The following COPS8 variants were observed in gnomAD, a reference collection of about 807,000 sequenced individuals.
COPS8 encodes COP9 signalosome complex subunit 8.
A neutral mutation model predicts 31.5 loss-of-function variants in COPS8; 11 were observed. That is an observed-to-expected ratio of 0.35 (90% CI 0.22 to 0.58). The LOEUF is 0.58. COPS8 is among the 20% of genes least tolerant of loss of function. The probability of loss-of-function intolerance (pLI) is 0.83; values close to 1 mark genes in which losing one functional copy is unlikely to be tolerated. For missense variants in COPS8, 215 were observed against 255.1 expected, an observed-to-expected ratio of 0.84 and a Z score of 1.07; for synonymous variants, 81 against 89.3, an observed-to-expected ratio of 0.91 and a Z score of 0.52.
rs915588600 is a variant in COPS8, at chr2:237,099,053, T to C, written c.*1311T>C. Reference sequence around the variant, plus strand: ...TTAACTTCCAGGTATTAAGTACAAATTGTATCCATGGTTATTTTTTAAAAG... The same window carrying C: ...TTAACTTCCAGGTATTAAGTACAAACTGTATCCATGGTTATTTTTTAAAAG... On this transcript the variant is annotated 3_prime_UTR_variant, in exon 8 of 8. Coordinates refer to ENST00000354371, the MANE Select transcript of COPS8 (RefSeq NM_006710.5). 1 of 152,122 alleles carries C rather than the reference T, an allele frequency of 6.6e-6. No homozygotes were observed. The highest frequency in any genetic ancestry group is 1.5e-5 in the Non-Finnish European group (1 of 68,010). 9.4% of individuals were successfully genotyped at this position (152,122 alleles called of 1,614,324 possible). A position where few individuals can be genotyped will look rare whatever the true frequency, so the allele number is the denominator to read the frequency against.
intron 4 of COPS8, among the ~76,000 whole-genome samples, chr2:237,093,432 A>C (rs1311111407): frequency 1.3e-5 from 2 of 152,220 alleles, no homozygotes; most frequent in Non-Finnish European, 2.9e-5. Context: ...CTGGTTTCAC[A>C]GTGCTCAACT....
In COPS8 at chr2:237,099,289, T is replaced by C. The variant is rs1296773223; in HGVS notation, c.*1547T>C. ...AATTATATATATGTACATATTTCCT[T>C]ATATTTCAAAACTAAGCAATTGGGG... On this transcript the variant is annotated 3_prime_UTR_variant, in exon 8 of 8. Transcript: ENST00000354371. The C allele has an allele frequency of 3.9e-5, 6 of 152,136 alleles. No individual in the cohort carries two copies. Among genetic ancestry groups the C allele is most frequent in the Non-Finnish European group, 8.8e-5 (6 of 68,006 alleles). The allele number at this position is 152,136 out of a possible 1,614,324, so 9.4% of individuals were successfully genotyped here.
At chr2:237,096,579 A>G (rs1696805005) in intron 6 of COPS8, 6 of 557,112 alleles carry the variant, frequency 1.1e-5, no homozygotes, top group Admixed American at 3.3e-5. Flanking sequence ...CTGAACATAC[A>G]GTAAAGGATT....
intron 5 of COPS8, among the ~76,000 whole-genome samples, chr2:237,095,111 G>A (rs1223779837): frequency 6.6e-6 from 1 of 152,076 alleles, no homozygotes; most frequent in Non-Finnish European, 1.5e-5. Flanking sequence ...CATGAAGATA[G>A]GTTAATGAAA....
Position 237,096,687 on chromosome 2 carries a change from T to C in COPS8, c.503-135T>C, listed in dbSNP as rs1456966486. The C allele has an allele frequency of 4.2e-6, 3 of 706,244 alleles. No individual in the cohort carries two copies. The African/African-American group carries it at 5.5e-5, about 13-fold the overall frequency. The allele number at this position is 706,244 out of a possible 1,614,324, so 43.7% of individuals were successfully genotyped here. A position where few individuals can be genotyped will look rare whatever the true frequency, so the allele number is the denominator to read the frequency against. ...AGAGTAATATAATAAAGAATTATAA[T>C]GGAGCACAGTTGTTATCCCTGTTTG... On this transcript the variant is annotated intron_variant, in intron 6 of 7. Transcript: ENST00000354371.
intron 3 of COPS8, 63 bp from the exon 4 acceptor site, chr2:237,089,799 A>G (rs1436146262): frequency 1.3e-6 from 2 of 1,494,390 alleles, no homozygotes. Context: ...ATTTTGTTTT[A>G]AGATACAATC....
In COPS8 at chr2:237,085,919, G is replaced by A. The variant is rs1454616284; in HGVS notation, c.-46G>A. 4 of 1,576,740 alleles carry A rather than the reference G, an allele frequency of 2.5e-6. No homozygotes were observed. In the South Asian group the frequency reaches 3.4e-5, roughly 13 times the overall value. ...GGGCGCGACGCCTGAGGGACAGTCT[G>A]GGGTTTGGCTGTCCGGACGGTGCAG... is the stretch of plus-strand genomic sequence containing the variant. On this transcript the variant is annotated 5_prime_UTR_variant, in exon 1 of 8. Coordinates refer to ENST00000354371, the MANE Select transcript of COPS8 (RefSeq NM_006710.5).
At position 237,098,774 on chromosome 2, in the gene COPS8, T is replaced by C. The variant is rs1416324442; in HGVS notation, c.*1032T>C. 6.6e-6 allele frequency: 1 copy of C among 152,264 alleles called. No homozygotes were observed. The highest frequency in any genetic ancestry group is 1.5e-5 in the Non-Finnish European group (1 of 68,044). 9.4% of individuals were successfully genotyped at this position (152,264 alleles called of 1,614,324 possible). A position where few individuals can be genotyped will look rare whatever the true frequency, so the allele number is the denominator to read the frequency against. ...AATCTATTTTGTCATTGTGTCTATA[T>C]GAATCTCTTAAGTAGAAATGAGTTG... is the stretch of plus-strand genomic sequence containing the variant. On this transcript the variant is annotated 3_prime_UTR_variant, in exon 8 of 8. Transcript: ENST00000354371.
chr2:237,089,133 T>G (rs1696665789), intron 3 of COPS8, among the ~76,000 whole-genome samples: 2 of 152,172 alleles, frequency 1.3e-5, no homozygotes, highest in Admixed American at 1.3e-4. Flanking sequence ...GAAAAGGTTC[T>G]TCCAAAGTGG....
chr2:237,094,118 G>A lies in COPS8; in HGVS notation c.360G>A (p.Leu120=). The part of the protein sequence containing the change: ...RDATRRRAFA[L]VSQAYTSIIA... ...CAACAAGGAGACGCGCCTTTGCCCT[G>A]GTCTCTCAAGCGTATACTTCAATCA... The change falls in exon 5 of 8, where the codon CTG becomes CTA. Residue 120 remains leucine (L), a synonymous_variant. Coordinates refer to ENST00000354371, the MANE Select transcript of COPS8 (RefSeq NM_006710.5). 6.2e-7 allele frequency: 1 copy of A among 1,613,782 alleles called. No individual in the cohort carries two copies. The highest frequency in any genetic ancestry group is 8.5e-7 in the Non-Finnish European group (1 of 1,179,850).
chr2:237,090,822 G>T (rs1443676897), intron 4 of COPS8, among the ~76,000 whole-genome samples: 1 of 152,234 alleles, frequency 6.6e-6, no homozygotes, highest in Non-Finnish European at 1.5e-5. Flanking sequence ...GTAAGTGACA[G>T]AACAGGAGGC....
In COPS8 at chr2:237,097,665, C is replaced by T; in HGVS notation, c.553C>T (p.Pro185Ser). 2 of 1,612,024 alleles carry T rather than the reference C, an allele frequency of 1.2e-6. No homozygotes were observed. Among genetic ancestry groups the T allele is most frequent in the Non-Finnish European group, 8.5e-7 (1 of 1,178,396 alleles). Residue 185 changes from proline to serine, a missense_variant and splice_region_variant, in exon 8 of 8, where the codon CCT becomes TCT. Coordinates refer to ENST00000354371, the MANE Select transcript of COPS8 (RefSeq NM_006710.5). ...SFNKFIPLSE[P>S]APVPPIPNEQ... ...GTGTTTGTTTCTTTAACATACAGAG[C>T]CTGCTCCAGTTCCCCCAATACCCAA...
Position 237,085,916 on chromosome 2 carries a change from T to C in COPS8, c.-49T>C, listed in dbSNP as rs545074927. The C allele has an allele frequency of 3.2e-6, 5 of 1,571,280 alleles. No individual in the cohort carries two copies. Among genetic ancestry groups the C allele is most frequent in the Non-Finnish European group, 4.4e-6 (5 of 1,148,542 alleles). ...CGCGGGCGCGACGCCTGAGGGACAGTCTGGGGTTTGGCTGTCCGGACGGTG... is the reference window on the plus strand; with the variant it reads ...CGCGGGCGCGACGCCTGAGGGACAGCCTGGGGTTTGGCTGTCCGGACGGTG... On this transcript the variant is annotated 5_prime_UTR_variant, in exon 1 of 8. Transcript: ENST00000354371.
chr2:237,095,981 G>A (rs546521698), intron 6 of COPS8, 97 bp downstream of exon 6: 41 of 826,742 alleles, frequency 5.0e-5, no homozygotes, highest in Admixed American at 1.1e-4. Flanking sequence ...TGTAAAATTC[G>A]GCTATACTAA....
At position 237,098,578 on chromosome 2, in the gene COPS8, T is replaced by A. The variant is rs1407174721; in HGVS notation, c.*836T>A. Reference sequence around the variant, plus strand: ...GAGAAATACTGAGCAAGTCTTTCATTCTCTGTGTGACAGCCCTCTGAATAT... The same window carrying A: ...GAGAAATACTGAGCAAGTCTTTCATACTCTGTGTGACAGCCCTCTGAATAT... On this transcript the variant is annotated 3_prime_UTR_variant, in exon 8 of 8. Transcript: ENST00000354371. 6.6e-6 allele frequency: 1 copy of A among 152,248 alleles called. No individual in the cohort carries two copies. 9.4% of individuals were successfully genotyped at this position (152,248 alleles called of 1,614,324 possible). A position where few individuals can be genotyped will look rare whatever the true frequency, so the allele number is the denominator to read the frequency against.
chr2:237,096,928 AGTATATAT>A, intron 7 of COPS8, 59 bp downstream of exon 7: 1 of 1,188,212 alleles, frequency 8.4e-7, no homozygotes, highest in Non-Finnish European at 1.2e-6. Flanking sequence ...TCTTTTTTGT[AGTATATAT>A]GTATATGTGT....
In COPS8 at chr2:237,097,224, CTTTTTTT is replaced by C. The variant is rs996251270; in HGVS notation, c.550+369_550+375del. Among the ~76,000 whole-genome samples, 890 of 95,994 alleles carry C rather than the reference CTTTTTTT, an allele frequency of 9.3e-3. 21 individuals are homozygous for C. The highest frequency in any genetic ancestry group is 0.032 in the African/African-American group (844 of 26,258). 63.0% of individuals were successfully genotyped at this position (95,994 alleles called of 152,430 possible). A position where few individuals can be genotyped will look rare whatever the true frequency, so the allele number is the denominator to read the frequency against. ...TTCCTTGAGGTTCTTTGTGGGTTTT[CTTTTTTT>C]TTTTTTTTTTTTTGGTTTGTTGACA... is the stretch of plus-strand genomic sequence containing the variant. On this transcript the variant is annotated intron_variant, in intron 7 of 7. Transcript: ENST00000354371.
intron 6 of COPS8, 128 bp from the exon 7 acceptor site, chr2:237,096,694 C>T: frequency 2.8e-6 from 2 of 723,228 alleles, no homozygotes; most frequent in South Asian, 1.5e-5. Context: ...TAATGGAGCA[C>T]AGTTGTTATC....
Position 237,085,927 on chromosome 2 carries a change from G to C in COPS8, c.-38G>C. Reference sequence around the variant, plus strand: ...CGCCTGAGGGACAGTCTGGGGTTTGGCTGTCCGGACGGTGCAGCGGCGAGG... The same window carrying C: ...CGCCTGAGGGACAGTCTGGGGTTTGCCTGTCCGGACGGTGCAGCGGCGAGG... On this transcript the variant is annotated 5_prime_UTR_variant, in exon 1 of 8. Transcript: ENST00000354371. 1 of 1,595,922 alleles carries C rather than the reference G, an allele frequency of 6.3e-7. No individual in the cohort carries two copies. Among genetic ancestry groups the C allele is most frequent in the Non-Finnish European group, 8.6e-7 (1 of 1,168,000 alleles).
Sources: gnomAD v4.1 joint callset for allele counts (sites outside exome capture counted in the v4.1 genomes callset) on GRCh38, gnomAD v4.1.1 for gene constraint, MANE v1.5 for transcripts, NCBI Gene and HGNC (gene_info 2026-07-23, HGNC 2026-07-21) for gene names.